The following SAMMSON variants were observed in gnomAD, a reference collection of about 807,000 sequenced individuals.
The protein encoded by SAMMSON is long intergenic non-protein coding RNA 1212.
At chr3:70,008,499 A>T (rs2066939643) in intron 1 of SAMMSON, among the ~76,000 whole-genome samples, 1 of 152,206 alleles carries the variant, frequency 6.6e-6, no homozygotes, top group Non-Finnish European at 1.5e-5. Context: ...GTATCCTGAG[A>T]CTTTGCTGAA....
chr3:70,295,996 CATGT>C (rs1162997004), intron 7 of SAMMSON, among the ~76,000 whole-genome samples: 1 of 152,116 alleles, frequency 6.6e-6, no homozygotes, highest in Non-Finnish European at 1.5e-5. Context: ...GCTTTTTGTA[CATGT>C]ATTTAAAACT....
chr3:70,279,793 C>A (rs1702063551), intron 6 of SAMMSON, among the ~76,000 whole-genome samples: 1 of 152,110 alleles, frequency 6.6e-6, no homozygotes, highest in African/African-American at 2.4e-5. Context: ...TGTTCTGGGG[C>A]ATGGCTTCTC....
At chr3:70,000,411 T>C (rs2066901465) in intron 1 of SAMMSON, among the ~76,000 whole-genome samples, 1 of 152,232 alleles carries the variant, frequency 6.6e-6, no homozygotes, top group African/African-American at 2.4e-5. Context: ...TATAGAACTA[T>C]AATATAATGG....
intron 8 of SAMMSON, among the ~76,000 whole-genome samples, chr3:70,358,050 G>A (rs1436064961): frequency 6.6e-6 from 1 of 152,094 alleles, no homozygotes; most frequent in African/African-American, 2.4e-5. Flanking sequence ...CAGTTCCCAA[G>A]AAATGACTGT....
intron 4 of SAMMSON, among the ~76,000 whole-genome samples, chr3:70,218,504 C>G (rs1268376456): frequency 6.6e-6 from 1 of 152,110 alleles, no homozygotes; most frequent in Non-Finnish European, 1.5e-5. Flanking sequence ...TTTTCTTTTG[C>G]TTCCTTTCGG....
At chr3:70,284,787 C>T (rs1559553847) in intron 6 of SAMMSON, among the ~76,000 whole-genome samples, 1 of 152,034 alleles carries the variant, frequency 6.6e-6, no homozygotes, top group Non-Finnish European at 1.5e-5. Context: ...GGGAAAATAA[C>T]TAATGGGTAC....
chr3:70,295,819 A>C (rs1426949988), intron 7 of SAMMSON, among the ~76,000 whole-genome samples: 4 of 152,308 alleles, frequency 2.6e-5, no homozygotes, highest in Admixed American at 6.5e-5. Context: ...ATTTTGGTGT[A>C]ATTATAATAC....
chr3:70,228,363 T>G (rs1241094422), intron 4 of SAMMSON, among the ~76,000 whole-genome samples: 1 of 152,136 alleles, frequency 6.6e-6, no homozygotes, highest in Non-Finnish European at 1.5e-5. Context: ...TAATTCATCT[T>G]CAGGATAGCT....
chr3:70,056,226 C>T (rs1247460318), intron 3 of SAMMSON, among the ~76,000 whole-genome samples: 1 of 152,008 alleles, frequency 6.6e-6, no homozygotes, highest in East Asian at 1.9e-4. Flanking sequence ...TGTGATTGTC[C>T]ATCTGGCCTT....
At chr3:70,174,097 A>ATCTCT (rs5849944) in intron 4 of SAMMSON, among the ~76,000 whole-genome samples, 1 of 151,938 alleles carries the variant, frequency 6.6e-6, no homozygotes, top group East Asian at 1.9e-4. Flanking sequence ...GTCCAGCTTA[A>ATCTCT]TCTCATATAA....
chr3:70,347,451 A>G (rs910246914), intron 7 of SAMMSON, among the ~76,000 whole-genome samples: 3 of 73,746 alleles, frequency 4.1e-5, no homozygotes, highest in Non-Finnish European at 1.0e-4. Context: ...TAGAGAAGGG[A>G]GTTTATATTA....
In SAMMSON at chr3:70,366,135, C is replaced by T. The variant is rs11128173; in HGVS notation, n.913+7811C>T. ...CCTCCCGAGTAGCTGGGACTACAGG[C>T]GCCCGCCACCGCGCCCGGCTAATTT... On this transcript the variant is annotated intron_variant and non_coding_transcript_variant, in intron 9 of 9. Coordinates refer to ENST00000642114, the Ensembl canonical transcript of SAMMSON. Among the ~76,000 whole-genome samples the T allele has an allele frequency of 2.6e-5, 2 of 77,006 alleles. 1 individual carries two copies. Among genetic ancestry groups the T allele is most frequent in the South Asian group, 8.6e-4 (2 of 2,338 alleles). The allele number at this position is 77,006 out of a possible 152,430, so 50.5% of individuals were successfully genotyped here.
intron 4 of SAMMSON, among the ~76,000 whole-genome samples, chr3:70,199,993 G>T (rs115114683): frequency 0.014 from 2,174 of 152,200 alleles, 65 homozygotes; most frequent in African/African-American, 0.049. Context: ...TTTATGGATG[G>T]CTTCTGAACA....
chr3:70,290,372 G>A (rs912197200), intron 6 of SAMMSON, among the ~76,000 whole-genome samples: 4 of 152,156 alleles, frequency 2.6e-5, no homozygotes, highest in African/African-American at 4.8e-5. Flanking sequence ...TAGGCTGCTC[G>A]GGGGCCAGGG....
At chr3:70,048,445 A>T (rs1035822258) in intron 3 of SAMMSON, among the ~76,000 whole-genome samples, 2 of 152,146 alleles carry the variant, frequency 1.3e-5, no homozygotes, top group African/African-American at 4.8e-5. Context: ...TCCTTGGCAC[A>T]TAAGAATCAT....
At chr3:70,094,217 C>T (rs564816897) in intron 4 of SAMMSON, among the ~76,000 whole-genome samples, 3 of 152,272 alleles carry the variant, frequency 2.0e-5, no homozygotes, top group Admixed American at 1.3e-4. Flanking sequence ...CCATCCCTAT[C>T]GGCTCCACTG....
intron 6 of SAMMSON, among the ~76,000 whole-genome samples, chr3:70,290,793 G>A (rs1420955506): frequency 6.6e-6 from 1 of 152,202 alleles, no homozygotes; most frequent in Non-Finnish European, 1.5e-5. Flanking sequence ...TCGGAAAAGC[G>A]CAGTATTCGG....
At chr3:70,088,785 T>C (rs1226268291) in intron 4 of SAMMSON, among the ~76,000 whole-genome samples, 2 of 152,180 alleles carry the variant, frequency 1.3e-5, no homozygotes, top group Non-Finnish European at 2.9e-5. Flanking sequence ...GTTCCTTGCA[T>C]TCAGAAACTT....
At chr3:70,333,227 A>C (rs1345855294) in intron 7 of SAMMSON, among the ~76,000 whole-genome samples, 12 of 152,124 alleles carry the variant, frequency 7.9e-5, no homozygotes. Flanking sequence ...CTGAAATGCC[A>C]CATACTCATT....
Sources: gnomAD v4.1 joint callset for allele counts (sites outside exome capture counted in the v4.1 genomes callset) on GRCh38, gnomAD v4.1.1 for gene constraint, MANE v1.5 for transcripts, NCBI Gene and HGNC (gene_info 2026-07-23, HGNC 2026-07-21) for gene names.